Variants in SACS observed in about 807,000 individuals in gnomAD.
SACS encodes the protein sacsin molecular chaperone, also known as sacsin.
Under a neutral mutation model 348.0 loss-of-function variants are expected in SACS, and 197 were observed. The ratio of observed to expected loss-of-function variants is 0.57; its 90% CI spans 0.50 to 0.64. SACS has a LOEUF of 0.64. Ranked by LOEUF, SACS falls within the 30% of genes least tolerant of loss-of-function variation. The pLI is 0.00. For synonymous variants in SACS, 1,985 were observed against 1,910.6 expected, an observed-to-expected ratio of 1.04 and a Z score of -1.02; for missense variants, 4,999 against 5,360.8, an observed-to-expected ratio of 0.93 and a Z score of 2.11.
rs561821125 is a variant in SACS at position 23,408,918 on chromosome 13, C to T, written c.20+2302G>A. 6.0e-3 allele frequency among the ~76,000 whole-genome samples: 837 copies of T among 138,944 alleles called. 6 individuals are homozygous for T. The highest frequency in any genetic ancestry group is 0.015 in the Middle Eastern group (4 of 262). The allele number at this position is 138,944 out of a possible 152,430, so 91.2% of individuals were successfully genotyped here. ...CGCAGCTTGCAGTGAGCCGAGATTG[C>T]GCCACTGCACTCCAGCCTGGGCGAC... On this transcript the variant is annotated intron_variant, in intron 2 of 9. Transcript: ENST00000382292.
intron 1 of SACS, among the ~76,000 whole-genome samples, chr13:23,416,412 C>T (rs983110124): frequency 6.6e-6 from 1 of 151,944 alleles, no homozygotes. Context: ...AAGTTAATTC[C>T]TTAAAAACAC....
At chr13:23,390,190 T>C (rs547964735) in intron 2 of SACS, among the ~76,000 whole-genome samples, 1 of 152,322 alleles carries the variant, frequency 6.6e-6, no homozygotes, top group South Asian at 2.1e-4. Flanking sequence ...CTGCAGTATT[T>C]TTCTTCTTAC....
In SACS at chr13:23,332,942, A is replaced by G; in HGVS notation, c.10934T>C (p.Leu3645Pro). The G allele has an allele frequency of 6.2e-7, 1 of 1,613,982 alleles. No homozygotes were observed. The highest frequency in any genetic ancestry group is 8.5e-7 in the Non-Finnish European group (1 of 1,179,916). ...ERMDLLSGNFLKELSLIPFLC... is the reference protein window; with the variant it reads ...ERMDLLSGNFPKELSLIPFLC... ...GAATGGTATTAAAGATAGTTCTTTC[A>G]GAAAATTTCCAGATAACAAATCCAT... The change falls in exon 10 of 10, where the codon CTG becomes CCG. Residue 3645 changes from leucine to proline, a missense_variant. Physicochemically the swap from Leu to Pro is moderately conservative, Grantham distance 98. Around this residue, in one of 6 missense-constraint regions of SACS, gnomAD observed 831 missense variants for 941.8 expected, o/e 0.88. Transcript: ENST00000382292.
rs764992284 is a variant in SACS, at chr13:23,339,152, C to T, written c.4724G>A (p.Arg1575Gln). 4.0e-5 allele frequency: 64 copies of T among 1,611,564 alleles called. No homozygotes were observed. The highest frequency in any genetic ancestry group is 1.2e-4 in the African/African-American group (9 of 74,814). ...HITDIPIIMSREFMIMFDPNI... is the reference protein window; with the variant it reads ...HITDIPIIMSQEFMIMFDPNI... The stretch of plus-strand genomic sequence containing the variant: ...TGGATCGAACATTATCATGAATTCC[C>T]GACTCATAATGATGGGAATGTCAGT... The change falls in exon 10 of 10, where the codon CGG becomes CAG. Residue 1575 changes from arginine to glutamine, a missense_variant. Physicochemically the swap from Arg to Gln is conservative, Grantham distance 43 (BLOSUM62 1). This residue lies in a region of SACS where 3,156 missense variants were observed against 3,380.1 expected (regional missense o/e 0.93). Coordinates refer to ENST00000382292, the MANE Select transcript of SACS (RefSeq NM_014363.6).
intron 6 of SACS, among the ~76,000 whole-genome samples, chr13:23,360,829 C>T (rs573789076): frequency 1.3e-5 from 2 of 149,728 alleles, no homozygotes; most frequent in African/African-American, 4.9e-5. Context: ...TATCTCAGCT[C>T]ATTGCACCTC....
At chr13:23,357,950 T>C (rs1483062808) in intron 7 of SACS, among the ~76,000 whole-genome samples, 3 of 152,220 alleles carry the variant, frequency 2.0e-5, no homozygotes, top group Non-Finnish European at 4.4e-5. Flanking sequence ...CCTTCTGATA[T>C]TTAGAACATG....
Position 23,349,995 on chromosome 13 carries a change from A to T in SACS, c.2185+3790T>A, listed in dbSNP as rs1244182380. On this transcript the variant is annotated intron_variant, in intron 9 of 9. Coordinates refer to ENST00000382292, the MANE Select transcript of SACS (RefSeq NM_014363.6). ...AAGGAACAAAGTAAAAGAGCTGAGG[A>T]AGGAGCCCCCACACTAACACGTATT... is the stretch of plus-strand genomic sequence containing the variant. 5.3e-5 allele frequency among the ~76,000 whole-genome samples: 8 copies of T among 152,320 alleles called. No individual in the cohort carries two copies. The East Asian group carries it at 1.5e-3, about 29-fold the overall frequency.
chr13:23,354,001 C>T (rs950392137), intron 8 of SACS, 125 bp from the exon 9 acceptor site: 18 of 678,886 alleles, frequency 2.7e-5, no homozygotes, highest in Non-Finnish European at 4.6e-5. Flanking sequence ...ATAATGCACA[C>T]ATCAAATCAA....
intron 3 of SACS, among the ~76,000 whole-genome samples, chr13:23,371,820 AG>A (rs1029942145): frequency 6.6e-6 from 1 of 152,226 alleles, no homozygotes; most frequent in African/African-American, 2.4e-5. Context: ...ATCAGCACAA[AG>A]GGGTAAGGAA....
At chr13:23,404,369 A>G (rs1295838443) in intron 2 of SACS, among the ~76,000 whole-genome samples, 1 of 152,216 alleles carries the variant, frequency 6.6e-6, no homozygotes, top group Non-Finnish European at 1.5e-5. Context: ...ATAAAATTCA[A>G]CACTCCTTCA....
At chr13:23,422,446 A>G (rs1238036083) in intron 1 of SACS, among the ~76,000 whole-genome samples, 1 of 152,224 alleles carries the variant, frequency 6.6e-6, no homozygotes, top group Admixed American at 6.5e-5. Flanking sequence ...CTTAATAACT[A>G]AAAACAATCT....
chr13:23,414,972 A>T (rs1168985634), intron 1 of SACS, among the ~76,000 whole-genome samples: 1 of 151,896 alleles, frequency 6.6e-6, no homozygotes, highest in Non-Finnish European at 1.5e-5. Flanking sequence ...CTCATCTCAC[A>T]CCTTCTGAAT....
chr13:23,340,776 AC>A lies in SACS; in HGVS notation c.3099del (p.Trp1033CysfsTer2). 6.2e-7 allele frequency: 1 copy of A among 1,607,100 alleles called. No homozygotes were observed. Among genetic ancestry groups the A allele is most frequent in the South Asian group, 1.1e-5 (1 of 89,626 alleles). On this transcript the variant is annotated frameshift_variant, in exon 10 of 10. Transcript: ENST00000382292. LOFTEE classifies it high-confidence loss of function. Reference protein sequence around the residue: ...LKNENPNVLEWLTPLKFIQIS... With the variant: ...LKNENPNVLEXLTPLKFIQIS... ...ATCTGGATGAATTTTAATGGTGTTA[AC>A]CACTCAAGCACATTTGGATTCTCAT...
At chr13:23,399,408 T>C (rs1872856577) in intron 2 of SACS, among the ~76,000 whole-genome samples, 1 of 152,154 alleles carries the variant, frequency 6.6e-6, no homozygotes, top group Non-Finnish European at 1.5e-5. Context: ...TACTTCTGGC[T>C]ACCCATTCTG....
intron 2 of SACS, among the ~76,000 whole-genome samples, chr13:23,388,508 T>C (rs201358389): frequency 0.011 from 1,225 of 113,936 alleles, 10 homozygotes; most frequent in South Asian, 0.026. Flanking sequence ...TATATATATA[T>C]ACACACACAT....
rs745961541 is a variant in SACS at position 23,330,471 on chromosome 13, C to T, written c.13405G>A (p.Ala4469Thr). 6 of 1,614,194 alleles carry T rather than the reference C, an allele frequency of 3.7e-6. No individual in the cohort carries two copies. Among genetic ancestry groups the T allele is most frequent in the Non-Finnish European group, 5.1e-6 (6 of 1,180,020 alleles). ...CATTTAAAGCACACCCACTCATTGG[C>T]ATTTTTATGAAGGTCATTCCTGGCA... ...SAARNDLHKN[A>T]NEWVCFKCYL... Residue 4469 changes from alanine to threonine, a missense_variant, in exon 10 of 10, where the codon GCC (alanine) becomes ACC (threonine). Coordinates refer to ENST00000382292, the MANE Select transcript of SACS (RefSeq NM_014363.6).
chr13:23,358,214 G>T, intron 7 of SACS, 121 bp downstream of exon 7: 2 of 1,023,416 alleles, frequency 2.0e-6, no homozygotes, highest in Non-Finnish European at 3.0e-6. Flanking sequence ...TCCTGCTACT[G>T]ACAGAAGAAT....
At chr13:23,398,315 C>A (rs1000460387) in intron 2 of SACS, among the ~76,000 whole-genome samples, 2 of 151,942 alleles carry the variant, frequency 1.3e-5, no homozygotes, top group African/African-American at 4.8e-5. Flanking sequence ...GGCAGATCAC[C>A]TGAGGTCAGG....
intron 9 of SACS, among the ~76,000 whole-genome samples, chr13:23,344,672 A>G (rs2137661630): frequency 6.6e-6 from 1 of 152,366 alleles, no homozygotes; most frequent in East Asian, 1.9e-4. Flanking sequence ...TTTTTGTAGC[A>G]GTTTAATAAA....
Sources: gnomAD v4.1 joint callset for allele counts (sites outside exome capture counted in the v4.1 genomes callset) on GRCh38, gnomAD v4.1.1 for gene constraint, gnomAD v4.1.1 regional missense constraint, MANE v1.5 for transcripts, NCBI Gene and HGNC (gene_info 2026-07-23, HGNC 2026-07-21) for gene names.